The following MAGI2 variants were observed in gnomAD, a reference collection of about 807,000 sequenced individuals.
MAGI2 encodes membrane associated guanylate kinase, WW and PDZ domain containing 2, also known as membrane-associated guanylate kinase, WW and PDZ domain-containing protein 2.
MAGI2 carries 35 observed loss-of-function variants against 133.3 expected under a neutral mutation model. The ratio of observed to expected loss-of-function variants is 0.26; its 90% CI spans 0.20 to 0.35. The LOEUF (loss-of-function observed/expected upper bound fraction) is 0.35. Among genes scored for constraint, MAGI2 ranks in the 10% least tolerant of loss-of-function variants. The pLI is 1.00. For synonymous variants in MAGI2, 729 were observed against 710.6 expected, an observed-to-expected ratio of 1.03 and a Z score of -0.41; for missense variants, 1,636 against 1,863.4, an observed-to-expected ratio of 0.88 and a Z score of 2.25.
At chr7:79,099,368 T>C (rs902738208) in intron 1 of MAGI2, among the ~76,000 whole-genome samples, 2 of 152,206 alleles carry the variant, frequency 1.3e-5, no homozygotes, top group Admixed American at 6.5e-5. Flanking sequence ...AATTCACCTA[T>C]AAGATTTTAT....
In MAGI2 at chr7:78,846,320, C is replaced by A. The variant is rs1049220807; in HGVS notation, c.418+160770G>T. 1.6e-4 allele frequency among the ~76,000 whole-genome samples: 25 copies of A among 152,030 alleles called. No individual in the cohort carries two copies. The East Asian group carries it at 4.7e-3, about 28-fold the overall frequency. On this transcript the variant is annotated intron_variant, in intron 2 of 21. Transcript: ENST00000354212. ...ATTTAGTTATACTTGCATCTCATTT[C>A]TTAGGCTTAATACACCGCAATTTTT...
chr7:79,432,302 G>C (rs1847830922), intron 1 of MAGI2, among the ~76,000 whole-genome samples: 1 of 152,090 alleles, frequency 6.6e-6, no homozygotes, highest in Admixed American at 6.5e-5. Flanking sequence ...GCACAGAAGT[G>C]GTCATTTAAA....
chr7:79,032,632 A>T (rs1440662777), intron 1 of MAGI2, among the ~76,000 whole-genome samples: 2 of 152,074 alleles, frequency 1.3e-5, no homozygotes, highest in African/African-American at 4.8e-5. Flanking sequence ...GTTAATTTTT[A>T]AAAATATGTA....
chr7:79,132,209 T>C lies in MAGI2; in HGVS notation c.302-125003A>G, dbSNP rs796474305. Among the ~76,000 whole-genome samples, 9 of 152,242 alleles carry C rather than the reference T, an allele frequency of 5.9e-5. No homozygotes were observed. The South Asian group carries it at 1.0e-3, about 17-fold the overall frequency. ...TTTTATCATACATGGGTGAATTATA[T>C]AGCGATGAATTCTGAGATTTTAGTG... On this transcript the variant is annotated intron_variant, in intron 1 of 21. Coordinates refer to ENST00000354212, the MANE Select transcript of MAGI2 (RefSeq NM_012301.4).
At chr7:78,503,046 T>G (rs1426377707) in intron 4 of MAGI2, among the ~76,000 whole-genome samples, 1 of 152,064 alleles carries the variant, frequency 6.6e-6, no homozygotes, top group African/African-American at 2.4e-5. Context: ...TGAACAGATA[T>G]GATTACTTAC....
chr7:78,844,058 C>T (rs963124471), intron 2 of MAGI2, among the ~76,000 whole-genome samples: 3 of 149,794 alleles, frequency 2.0e-5, no homozygotes, highest in Non-Finnish European at 4.4e-5. Context: ...CACAGACACA[C>T]ATTCACACGT....
chr7:78,077,771 C>T (rs76660797), intron 21 of MAGI2, among the ~76,000 whole-genome samples: 3,428 of 129,178 alleles, frequency 0.027, 145 homozygotes, highest in African/African-American at 0.1. Flanking sequence ...CTCTTGTTGC[C>T]CAGACTGGAG....
intron 6 of MAGI2, among the ~76,000 whole-genome samples, chr7:78,470,239 A>G (rs1332772546): frequency 2.0e-5 from 3 of 152,138 alleles, no homozygotes; most frequent in South Asian, 4.1e-4. Flanking sequence ...CTATCTTTGT[A>G]AGTAATATGC....
intron 1 of MAGI2, among the ~76,000 whole-genome samples, chr7:79,165,013 A>G (rs1233394050): frequency 6.6e-6 from 1 of 152,018 alleles, no homozygotes; most frequent in Non-Finnish European, 1.5e-5. Flanking sequence ...TAAATTTCCT[A>G]CATGAAAAAC....
intron 6 of MAGI2, among the ~76,000 whole-genome samples, chr7:78,481,402 C>T (rs1201805105): frequency 6.6e-6 from 1 of 151,958 alleles, no homozygotes; most frequent in Admixed American, 6.6e-5. Flanking sequence ...ATGGGGCAAA[C>T]TGCCCCATAA....
chr7:78,161,885 A>G (rs1825058438), intron 15 of MAGI2, among the ~76,000 whole-genome samples: 2 of 152,178 alleles, frequency 1.3e-5, no homozygotes, highest in Admixed American at 6.5e-5. Context: ...TTTTTGTAAG[A>G]AATGTACCGA....
chr7:78,169,584 C>T (rs1470537107), intron 14 of MAGI2, among the ~76,000 whole-genome samples: 1 of 146,462 alleles, frequency 6.8e-6, no homozygotes, highest in Non-Finnish European at 1.5e-5. Context: ...TGAAGGGCAT[C>T]ACAGACTTAG....
At chr7:79,111,794 G>T (rs1818947424) in intron 1 of MAGI2, among the ~76,000 whole-genome samples, 1 of 152,054 alleles carries the variant, frequency 6.6e-6, no homozygotes, top group Non-Finnish European at 1.5e-5. Flanking sequence ...AGCCTCCCAA[G>T]TAGCTGGGAC....
intron 20 of MAGI2, among the ~76,000 whole-genome samples, chr7:78,109,164 C>T (rs1189046329): frequency 4.7e-5 from 7 of 150,326 alleles, no homozygotes; most frequent in Admixed American, 1.3e-4. Flanking sequence ...ATTAGCTGGG[C>T]GTGGTGGCGG....
At chr7:78,927,048 T>C (rs986992123) in intron 2 of MAGI2, among the ~76,000 whole-genome samples, 1 of 152,018 alleles carries the variant, frequency 6.6e-6, no homozygotes, top group African/African-American at 2.4e-5. Context: ...TGTATGGCCA[T>C]GGACATTTCA....
intron 3 of MAGI2, among the ~76,000 whole-genome samples, chr7:78,620,448 A>C (rs1807606115): frequency 6.6e-6 from 1 of 152,016 alleles, no homozygotes; most frequent in South Asian, 2.1e-4. Flanking sequence ...ATTGCCTAGA[A>C]AATTATTTGT....
intron 2 of MAGI2, among the ~76,000 whole-genome samples, chr7:78,708,890 TCTC>T (rs1225929694): frequency 6.6e-6 from 1 of 152,110 alleles, no homozygotes; most frequent in Non-Finnish European, 1.5e-5. Context: ...AAGACATTTT[TCTC>T]TTCTTAGTTC....
chr7:79,072,193 G>A (rs1447748864), intron 1 of MAGI2, among the ~76,000 whole-genome samples: 3 of 151,976 alleles, frequency 2.0e-5, no homozygotes, highest in African/African-American at 7.3e-5. Flanking sequence ...CTCGCCTTCT[G>A]TGCCAATCTT....
chr7:78,506,017 G>T (rs1193146613), intron 4 of MAGI2, among the ~76,000 whole-genome samples: 1 of 152,172 alleles, frequency 6.6e-6, no homozygotes, highest in Non-Finnish European at 1.5e-5. Context: ...TGAGAGCAAA[G>T]ATACTGCTAT....
Sources: allele counts gnomAD v4.1 joint callset (sites outside exome capture counted in the v4.1 genomes callset), GRCh38; gene constraint gnomAD v4.1.1; transcripts MANE v1.5; gene names NCBI Gene and HGNC (gene_info 2026-07-23, HGNC 2026-07-21).